The following MORN5 variants were observed in gnomAD, a reference collection of about 807,000 sequenced individuals.
The protein encoded by MORN5 is MORN repeat-containing protein 5.
Under a neutral mutation model 22.1 loss-of-function variants are expected in MORN5, and 21 were observed. The observed-to-expected ratio is 0.95, with a 90% CI of 0.67 to 1.37. The LOEUF (loss-of-function observed/expected upper bound fraction) is 1.37. MORN5 is among the 40% of genes most tolerant of loss of function. The probability of loss-of-function intolerance (pLI) is 0.00; values close to 1 mark genes in which losing one functional copy is unlikely to be tolerated. For missense variants in MORN5, 211 were observed against 215.1 expected, an observed-to-expected ratio of 0.98 and a Z score of 0.12; for synonymous variants, 73 against 74.0, an observed-to-expected ratio of 0.99 and a Z score of 0.07.
chr9:122,188,140 C>G (rs760585380), intron 4 of MORN5, among the ~76,000 whole-genome samples: 1 of 152,140 alleles, frequency 6.6e-6, no homozygotes, highest in Non-Finnish European at 1.5e-5. Context: ...CTGGAGAGAG[C>G]CTTGAATAGC....
At position 122,166,827 on chromosome 9, in the gene MORN5, A is replaced by AT; in HGVS notation, c.107_108insT (p.Lys36AsnfsTer42). 5.0e-6 allele frequency: 8 copies of AT among 1,613,994 alleles called. No individual in the cohort carries two copies. Among genetic ancestry groups the AT allele is most frequent in the Non-Finnish European group, 6.8e-6 (8 of 1,179,932 alleles). On this transcript the variant is annotated frameshift_variant, in exon 2 of 5. Coordinates refer to ENST00000373764, the MANE Select transcript of MORN5 (RefSeq NM_198469.4). LOFTEE classifies it high-confidence loss of function. ...GAAACAATATATGTTGGGGAAATGA[A>AT]GGATGGCATGTTTCACGGCGAGGGA...
At chr9:122,190,002 A>G (rs141512263) in intron 4 of MORN5, among the ~76,000 whole-genome samples, 1 of 152,266 alleles carries the variant, frequency 6.6e-6, no homozygotes, top group African/African-American at 2.4e-5. Flanking sequence ...TCCAAGGGTC[A>G]TTATGACTAT....
intron 4 of MORN5, among the ~76,000 whole-genome samples, chr9:122,193,572 A>G (rs1378958417): frequency 6.6e-6 from 1 of 152,268 alleles, no homozygotes; most frequent in Non-Finnish European, 1.5e-5. Flanking sequence ...CGACAGAGCG[A>G]GACTCCGTCT....
intron 1 of MORN5, among the ~76,000 whole-genome samples, chr9:122,165,471 AG>A (rs1174358521): frequency 6.7e-6 from 1 of 150,262 alleles, no homozygotes; most frequent in Admixed American, 6.6e-5. Flanking sequence ...ACTACTTGGG[AG>A]GCTGAGGTGG....
At chr9:122,199,837 G>T (rs767468884) in intron 4 of MORN5, 48 bp from the exon 5 acceptor site, 15 of 1,606,878 alleles carry the variant, frequency 9.3e-6, no homozygotes, top group South Asian at 8.8e-5. Flanking sequence ...GGCCAGGAAA[G>T]GTCCCAGCGA....
chr9:122,186,666 G>A (rs1034922642), intron 4 of MORN5, among the ~76,000 whole-genome samples: 1 of 152,074 alleles, frequency 6.6e-6, no homozygotes, highest in African/African-American at 2.4e-5. Flanking sequence ...ATCAGATTCT[G>A]GTAACAATTC....
At chr9:122,179,289 C>T (rs1174761204) in intron 4 of MORN5, among the ~76,000 whole-genome samples, 3 of 152,084 alleles carry the variant, frequency 2.0e-5, no homozygotes, top group South Asian at 2.1e-4. Flanking sequence ...TGTCTTTCAC[C>T]CTAAGGCAGT....
At chr9:122,161,504 G>T (rs1829198685) in intron 1 of MORN5, among the ~76,000 whole-genome samples, 2 of 152,120 alleles carry the variant, frequency 1.3e-5, no homozygotes, top group African/African-American at 4.8e-5. Context: ...GCAAATAAAG[G>T]AACAGAAGTT....
intron 4 of MORN5, among the ~76,000 whole-genome samples, chr9:122,186,692 C>T (rs1379071314): frequency 6.6e-6 from 1 of 152,198 alleles, no homozygotes; most frequent in Admixed American, 6.5e-5. Context: ...CTGCCGCCCC[C>T]CGACTCCCCC....
At chr9:122,198,151 G>A (rs758554840) in intron 4 of MORN5, among the ~76,000 whole-genome samples, 2 of 152,154 alleles carry the variant, frequency 1.3e-5, no homozygotes, top group Admixed American at 6.5e-5. Context: ...TACCTGACTG[G>A]GCTGTTACAA....
intron 4 of MORN5, among the ~76,000 whole-genome samples, chr9:122,181,696 TAGTCCTAGATCTACCACTGACCA>T (rs1223910220): frequency 1.3e-5 from 2 of 152,144 alleles, no homozygotes; most frequent in Non-Finnish European, 2.9e-5. Context: ...GGCTGGCCTC[TAGTCCTAGATCTACCACTGACCA>T]GCTCTGTGAT....
chr9:122,184,920 G>T (rs929390278), intron 4 of MORN5, among the ~76,000 whole-genome samples: 1 of 152,198 alleles, frequency 6.6e-6, no homozygotes, highest in African/African-American at 2.4e-5. Context: ...AGAAAGAACC[G>T]AGGGCCTGCC....
At chr9:122,185,596 G>A (rs1459343669) in intron 4 of MORN5, among the ~76,000 whole-genome samples, 2 of 151,970 alleles carry the variant, frequency 1.3e-5, no homozygotes, top group Non-Finnish European at 2.9e-5. Context: ...TCCTGACCTC[G>A]TGATCCGCCC....
intron 1 of MORN5, 32 bp from the exon 2 acceptor site, chr9:122,166,736 C>T (rs762685868): frequency 6.3e-7 from 1 of 1,599,608 alleles, no homozygotes; most frequent in Non-Finnish European, 8.5e-7. Context: ...AGCTGTCACA[C>T]AGGGCTCAGT....
intron 4 of MORN5, among the ~76,000 whole-genome samples, chr9:122,188,603 C>T (rs917361004): frequency 3.3e-5 from 5 of 152,256 alleles, no homozygotes; most frequent in African/African-American, 1.2e-4. Flanking sequence ...GCTGTGGGGT[C>T]AGGCCAACAG....
chr9:122,175,840 C>T (rs1240943536), intron 4 of MORN5: 3 of 432,822 alleles, frequency 6.9e-6, no homozygotes, highest in Non-Finnish European at 9.2e-6. Context: ...AGAGGCCGGG[C>T]GCGGTGGCTC....
At chr9:122,167,458 T>C (rs1179841601) in intron 2 of MORN5, among the ~76,000 whole-genome samples, 1 of 149,078 alleles carries the variant, frequency 6.7e-6, no homozygotes, top group Non-Finnish European at 1.5e-5. Flanking sequence ...GTTCAAGCTA[T>C]TCTCTTGCCT....
At chr9:122,167,195 G>T (rs1193372753) in intron 2 of MORN5, among the ~76,000 whole-genome samples, 3 of 150,906 alleles carry the variant, frequency 2.0e-5, no homozygotes, top group African/African-American at 7.3e-5. Context: ...CTACGGGCGT[G>T]CACCACCATG....
chr9:122,169,830 G>C, intron 3 of MORN5, 74 bp downstream of exon 3: 1 of 1,021,336 alleles, frequency 9.8e-7, no homozygotes, highest in South Asian at 1.3e-5. Flanking sequence ...TAAGTGGACT[G>C]TGTCCTACTA....
Sources: allele counts gnomAD v4.1 joint callset (sites outside exome capture counted in the v4.1 genomes callset), GRCh38; gene constraint gnomAD v4.1.1; transcripts MANE v1.5; gene names NCBI Gene and HGNC (gene_info 2026-07-23, HGNC 2026-07-21).